The following KLF12 variants were observed in gnomAD, a reference collection of about 807,000 sequenced individuals.
KLF12 encodes KLF transcription factor 12.
Under a neutral mutation model 37.8 loss-of-function variants are expected in KLF12, and 9 were observed. That is an observed-to-expected ratio of 0.24 (90% CI 0.14 to 0.42). The LOEUF (loss-of-function observed/expected upper bound fraction) is 0.42. Among genes scored for constraint, KLF12 ranks in the 10% least tolerant of loss-of-function variants. The pLI, the probability that KLF12 is intolerant of heterozygous loss-of-function variation, is 1.00. For missense variants in KLF12, 411 were observed against 516.0 expected, an observed-to-expected ratio of 0.80 and a Z score of 1.97; for synonymous variants, 208 against 202.1, an observed-to-expected ratio of 1.03 and a Z score of -0.25.
At chr13:73,805,844 G>A (rs1217636045) in intron 5 of KLF12, among the ~76,000 whole-genome samples, 4 of 152,000 alleles carry the variant, frequency 2.6e-5, no homozygotes, top group Admixed American at 2.0e-4. Flanking sequence ...TTGCTCTGTC[G>A]CTCAGGCTGG....
In KLF12 at chr13:73,791,835, G is replaced by A. The variant is rs531440350; in HGVS notation, c.806+21317C>T. 1.2e-3 allele frequency among the ~76,000 whole-genome samples: 184 copies of A among 152,262 alleles called. 1 individual carries two copies. The highest frequency in any genetic ancestry group is 4.3e-3 in the African/African-American group (179 of 41,556). ...ATTGGTCTGGAATTATGAGCCTTGT[G>A]GACCAGAGAATACAATCATCAAAAC... On this transcript the variant is annotated intron_variant, in intron 5 of 7. Coordinates refer to ENST00000377669, the MANE Select transcript of KLF12 (RefSeq NM_007249.5).
chr13:73,938,381 C>T (rs888567208), intron 3 of KLF12, among the ~76,000 whole-genome samples: 1 of 152,136 alleles, frequency 6.6e-6, no homozygotes, highest in African/African-American at 2.4e-5. Flanking sequence ...TAGCACATTT[C>T]CAGGTTCAGC....
At chr13:74,163,273 T>G in the KLF12 span, among the ~76,000 whole-genome samples, 1 of 152,168 alleles carries the variant, frequency 6.6e-6, no homozygotes, top group Non-Finnish European at 1.5e-5. Context: ...CAAAGAGATA[T>G]CTGCACTCCT....
At chr13:73,868,276 C>T (rs1438125696) in intron 3 of KLF12, among the ~76,000 whole-genome samples, 2 of 117,948 alleles carry the variant, frequency 1.7e-5, no homozygotes, top group African/African-American at 6.9e-5. Context: ...GGTACTCCAG[C>T]CTGGGCAACA....
chr13:73,711,872 G>T (rs764171628), intron 7 of KLF12, among the ~76,000 whole-genome samples: 22 of 152,160 alleles, frequency 1.4e-4, no homozygotes, highest in Non-Finnish European at 8.8e-5. Flanking sequence ...CCCCTGGAGA[G>T]GATTCACCAT....
intron 1 of KLF12, among the ~76,000 whole-genome samples, chr13:74,010,143 A>C (rs1267986200): frequency 6.6e-6 from 1 of 151,962 alleles, no homozygotes; most frequent in Non-Finnish European, 1.5e-5. Flanking sequence ...GGGTTTTGTC[A>C]CATGGCCCAG....
At chr13:73,898,674 T>C (rs1887901597) in intron 3 of KLF12, among the ~76,000 whole-genome samples, 1 of 152,242 alleles carries the variant, frequency 6.6e-6, no homozygotes, top group East Asian at 1.9e-4. Flanking sequence ...TAACCAAAGG[T>C]AAATGGATAG....
chr13:74,227,250 A>G, the KLF12 span, among the ~76,000 whole-genome samples: 1 of 152,096 alleles, frequency 6.6e-6, no homozygotes, highest in Non-Finnish European at 1.5e-5. Context: ...AATCTCAAGG[A>G]TGGCTCAAAT....
At chr13:74,103,223 G>A (rs1469854449) in intron 1 of KLF12, among the ~76,000 whole-genome samples, 6 of 152,118 alleles carry the variant, frequency 3.9e-5, no homozygotes, top group South Asian at 2.1e-4. Flanking sequence ...TTTGTATCCC[G>A]AAACTAACTG....
chr13:73,855,588 T>A (rs1240732384), intron 3 of KLF12, among the ~76,000 whole-genome samples: 1 of 152,244 alleles, frequency 6.6e-6, no homozygotes, highest in Non-Finnish European at 1.5e-5. Flanking sequence ...ATAGAATGAC[T>A]TATATTCCTT....
chr13:73,774,869 ATG>A (rs1439298275), intron 5 of KLF12, among the ~76,000 whole-genome samples: 1 of 150,150 alleles, frequency 6.7e-6, no homozygotes, highest in Non-Finnish European at 1.5e-5. Context: ...TATAAAGTAT[ATG>A]TGTGTGTGTC....
At chr13:73,726,257 A>T (rs1479842388) in intron 6 of KLF12, among the ~76,000 whole-genome samples, 1 of 151,722 alleles carries the variant, frequency 6.6e-6, no homozygotes, top group Non-Finnish European at 1.5e-5. Flanking sequence ...GCACTTCTTA[A>T]TATTATGTTC....
At chr13:73,957,575 CAG>C (rs1890883395) in intron 2 of KLF12, among the ~76,000 whole-genome samples, 1 of 152,192 alleles carries the variant, frequency 6.6e-6, no homozygotes, top group African/African-American at 2.4e-5. Context: ...AACTAGAAGA[CAG>C]AGTTTTATCC....
the KLF12 span, among the ~76,000 whole-genome samples, chr13:74,262,624 T>A: frequency 6.6e-6 from 1 of 152,032 alleles, no homozygotes; most frequent in African/African-American, 2.4e-5. Flanking sequence ...GTTTAGGGAG[T>A]AAGGACAAGA....
chr13:74,124,660 T>C (rs1334028780), intron 1 of KLF12, among the ~76,000 whole-genome samples: 1 of 152,136 alleles, frequency 6.6e-6, no homozygotes, highest in Non-Finnish European at 1.5e-5. Context: ...CCATATACCC[T>C]ATTGGCCAAG....
intron 3 of KLF12, among the ~76,000 whole-genome samples, chr13:73,853,119 G>A (rs1430231405): frequency 6.6e-6 from 1 of 151,826 alleles, no homozygotes; most frequent in Non-Finnish European, 1.5e-5. Flanking sequence ...CGCCTCCCTC[G>A]GCCTCCCAAA....
chr13:73,936,742 A>C (rs1347131478), intron 3 of KLF12, among the ~76,000 whole-genome samples: 1 of 151,974 alleles, frequency 6.6e-6, no homozygotes, highest in Non-Finnish European at 1.5e-5. Flanking sequence ...AGAGTTCATC[A>C]CGTTTTCTGC....
At chr13:74,035,036 G>A (rs1893212976) in intron 1 of KLF12, among the ~76,000 whole-genome samples, 1 of 152,030 alleles carries the variant, frequency 6.6e-6, no homozygotes, top group Admixed American at 6.6e-5. Context: ...TGCTAGCCTA[G>A]AATTTTTCCC....
rs549623647 is a variant in KLF12, at chr13:73,688,921, C to T, written c.*6569G>A. 2.0e-5 allele frequency: 3 copies of T among 152,162 alleles called. No homozygotes were observed. Among genetic ancestry groups the T allele is most frequent in the South Asian group, 2.1e-4 (1 of 4,820 alleles). 9.4% of individuals were successfully genotyped at this position (152,162 alleles called of 1,614,324 possible). ...AGGCGGTTTCACTTTCCTACTCTGC[C>T]GTTTACTATTTCTACATCCATGAAC... On this transcript the variant is annotated 3_prime_UTR_variant, in exon 8 of 8. Coordinates refer to ENST00000377669, the MANE Select transcript of KLF12 (RefSeq NM_007249.5).
Sources: gnomAD v4.1 joint callset for allele counts (sites outside exome capture counted in the v4.1 genomes callset) on GRCh38, gnomAD v4.1.1 for gene constraint, MANE v1.5 for transcripts, NCBI Gene and HGNC (gene_info 2026-07-23, HGNC 2026-07-21) for gene names.